Variants in EXD3 observed in about 807,000 individuals in gnomAD.
The protein encoded by EXD3 is exonuclease mut-7 homolog.
Under a neutral mutation model 98.0 loss-of-function variants are expected in EXD3, and 92 were observed. That is an observed-to-expected ratio of 0.94 (90% CI 0.79 to 1.12). The LOEUF (loss-of-function observed/expected upper bound fraction) is 1.12, where lower values mean the gene tolerates loss of function less well. Ranked by LOEUF, EXD3 falls within the 50% of genes most tolerant of loss-of-function variation. The pLI, the probability that EXD3 is intolerant of heterozygous loss-of-function variation, is 0.00. For missense variants in EXD3, 1,222 were observed against 1,191.6 expected (o/e 1.03, Z -0.38); for synonymous variants, 569 against 526.0 (o/e 1.08, Z -1.12).
intron 1 of EXD3, among the ~76,000 whole-genome samples, chr9:137,414,347 G>T (rs1298808329): frequency 1.3e-5 from 2 of 152,230 alleles, no homozygotes; most frequent in African/African-American, 4.8e-5. Context: ...CAGACCACGG[G>T]CTGTTTGTCC....
At chr9:137,352,847 C>T in intron 10 of EXD3, 61 bp from the exon 11 acceptor site, 1 of 1,521,834 alleles carries the variant, frequency 6.6e-7, no homozygotes, top group South Asian at 1.2e-5. Flanking sequence ...AGGGCCCTGC[C>T]CCGAGGGACC....
intron 2 of EXD3, among the ~76,000 whole-genome samples, chr9:137,387,697 G>A (rs1836675835): frequency 6.6e-6 from 1 of 152,174 alleles, no homozygotes; most frequent in Admixed American, 6.5e-5. Flanking sequence ...TCCGAGAAGG[G>A]CGGGTGGGGC....
chr9:137,327,955 C>A (rs1832547650), intron 17 of EXD3, among the ~76,000 whole-genome samples: 1 of 150,982 alleles, frequency 6.6e-6, no homozygotes, highest in Admixed American at 6.6e-5. Flanking sequence ...TAATATACTC[C>A]TATATGATGA....
chr9:137,373,509 C>T lies in EXD3; in HGVS notation c.211G>A (p.Gly71Arg), dbSNP rs958361744. The T allele has an allele frequency of 3.7e-6, 6 of 1,605,048 alleles. No homozygotes were observed. Among genetic ancestry groups the T allele is most frequent in the South Asian group, 1.1e-5 (1 of 89,662 alleles). ...CAGGCCGCCAGGGAGGGGCCCTCTCCCCGCTGGCCCCGGCAGCTCTCCAGC... is the reference window on the plus strand; with the variant it reads ...CAGGCCGCCAGGGAGGGGCCCTCTCTCCGCTGGCCCCGGCAGCTCTCCAGC... ...DMLESCRGQR[G>R]EGPSLAAWIS... is the part of the protein sequence containing the mutation. The change falls in exon 4 of 22, where the codon GGA (glycine) becomes AGA (arginine). Residue 71 changes from glycine (G) to arginine (R), a missense_variant. Gly to Arg is a moderately radical substitution (Grantham distance 125, BLOSUM62 -2). Transcript: ENST00000340951.
Position 137,371,425 on chromosome 9 carries a change from A to G in EXD3, c.462+1480T>C, listed in dbSNP as rs1223679617. Among the ~76,000 whole-genome samples the G allele has an allele frequency of 1.3e-5, 2 of 152,028 alleles. No homozygotes were observed. The highest frequency in any genetic ancestry group is 2.9e-5 in the Non-Finnish European group (2 of 67,950). On this transcript the variant is annotated intron_variant, in intron 5 of 21. Coordinates refer to ENST00000340951, the MANE Select transcript of EXD3 (RefSeq NM_017820.5). This position sits in a 1 kb window ranked among gnomAD's most constrained non-coding sequence, Gnocchi z 8.0. ...GGGACACTCCTGTGAGGGCCCGGCCAGGGCAGCCCCCGATGCCCGTGCCCA... is the reference window on the plus strand; with the variant it reads ...GGGACACTCCTGTGAGGGCCCGGCCGGGGCAGCCCCCGATGCCCGTGCCCA...
Position 137,307,108 on chromosome 9 carries a change from C to T in EXD3, c.2473G>A (p.Gly825Arg), listed in dbSNP as rs1831082661. The change falls in exon 22 of 22, where the codon GGG (glycine) becomes AGG (arginine). Residue 825 changes from glycine (G) to arginine (R), a missense_variant. By Grantham distance (125) the Gly-to-Arg change is moderately radical. Transcript: ENST00000340951. Reference sequence around the variant, plus strand: ...GTGCAGCAGTAGAAGCACCGCAGCCCAGGTGTCCTCAGCACACCCACCGGG... The same window carrying T: ...GTGCAGCAGTAGAAGCACCGCAGCCTAGGTGTCCTCAGCACACCCACCGGG... ...GVPVGVLRTP[G>R]LRCFYCCTGC... The T allele has an allele frequency of 6.2e-7, 1 of 1,607,912 alleles. No homozygotes were observed. The highest frequency in any genetic ancestry group is 1.1e-5 in the South Asian group (1 of 90,366).
At position 137,355,618 on chromosome 9, in the gene EXD3, GA is replaced by G. The variant is rs1179533562; in HGVS notation, c.757+649del. ...GGCGGAAGGAGAAAGGAGGAAGGAG[GA>G]AGGGAGGATGGAGGAAGGAGGAAGG... On this transcript the variant is annotated intron_variant, in intron 8 of 21. Coordinates refer to ENST00000340951, the MANE Select transcript of EXD3 (RefSeq NM_017820.5). 4.2e-4 allele frequency among the ~76,000 whole-genome samples: 12 copies of G among 28,410 alleles called. 1 individual carries two copies. Among genetic ancestry groups the G allele is most frequent in the South Asian group, 1.1e-3 (1 of 878 alleles). 18.6% of individuals were successfully genotyped at this position (28,410 alleles called of 152,430 possible). A position where few individuals can be genotyped will look rare whatever the true frequency, so the allele number is the denominator to read the frequency against.
intron 3 of EXD3, among the ~76,000 whole-genome samples, chr9:137,378,530 A>C (rs751971467): frequency 7.2e-5 from 11 of 152,176 alleles, no homozygotes; most frequent in Non-Finnish European, 1.3e-4. Flanking sequence ...ATTTAAAAAC[A>C]GGGGCTCACG....
intron 19 of EXD3, among the ~76,000 whole-genome samples, chr9:137,319,341 C>T (rs28375538): frequency 0.038 from 5,844 of 152,318 alleles, 146 homozygotes; most frequent in Non-Finnish European, 0.06. Flanking sequence ...CGGGGCCCGG[C>T]CTCCATTGTT....
chr9:137,358,689 A>T (rs1373790029), intron 7 of EXD3, among the ~76,000 whole-genome samples: 2 of 152,110 alleles, frequency 1.3e-5, no homozygotes, highest in African/African-American at 4.8e-5. Context: ...ACTTTTTTAA[A>T]ATTAAATGTA....
chr9:137,339,220 G>C (rs1258362349), intron 17 of EXD3, among the ~76,000 whole-genome samples: 1 of 152,078 alleles, frequency 6.6e-6, no homozygotes, highest in Non-Finnish European at 1.5e-5. Flanking sequence ...CAGGAAGTGA[G>C]CCAGTTTCAG....
At position 137,393,106 on chromosome 9, in the gene EXD3, T is replaced by C. The variant is rs1168830857; in HGVS notation, c.55+2197A>G. ...TTCTCGGTGGGGGTGCCGTGTCTGT[T>C]CCAGGGAGGGCCATTAGTGTTCCAG... On this transcript the variant is annotated intron_variant, in intron 2 of 21. Transcript: ENST00000340951. This position sits in a 1 kb window ranked among gnomAD's most constrained non-coding sequence, Gnocchi z 4.6. 2 of 675,748 alleles carry C rather than the reference T, an allele frequency of 3.0e-6. No individual in the cohort carries two copies. The highest frequency in any genetic ancestry group is 4.2e-5 in the Admixed American group (2 of 47,950). The allele number at this position is 675,748 out of a possible 1,614,324, so 41.9% of individuals were successfully genotyped here.
chr9:137,313,763 T>C (rs1831487554), intron 19 of EXD3, among the ~76,000 whole-genome samples: 2 of 152,110 alleles, frequency 1.3e-5, no homozygotes, highest in South Asian at 2.1e-4. Context: ...GGCAGGGCGA[T>C]GGGGCTGTAG....
At chr9:137,413,431 A>C (rs984976999) in intron 1 of EXD3, among the ~76,000 whole-genome samples, 2 of 150,036 alleles carry the variant, frequency 1.3e-5, no homozygotes, top group Non-Finnish European at 3.0e-5. Flanking sequence ...TGATCTCCTG[A>C]CCTTGTGATC....
chr9:137,328,761 A>T (rs143307946), intron 17 of EXD3, among the ~76,000 whole-genome samples: 1 of 10,274 alleles, frequency 9.7e-5, no homozygotes. Flanking sequence ...ACTACACGGG[A>T]CTACACGGGG....
intron 2 of EXD3, among the ~76,000 whole-genome samples, chr9:137,388,955 G>C (rs1378372316): frequency 6.6e-6 from 1 of 152,316 alleles, no homozygotes; most frequent in East Asian, 1.9e-4. Context: ...ACAGCAGAAA[G>C]GGCCAGCCCA....
chr9:137,310,177 G>A (rs961697258), intron 19 of EXD3, among the ~76,000 whole-genome samples: 1 of 152,260 alleles, frequency 6.6e-6, no homozygotes, highest in Admixed American at 6.5e-5. Flanking sequence ...GGCCCTGAAA[G>A]TGGCGAGGGG....
intron 17 of EXD3, among the ~76,000 whole-genome samples, chr9:137,329,196 G>GA (rs1378559160): frequency 5.6e-5 from 1 of 17,950 alleles, no homozygotes; most frequent in Admixed American, 4.8e-4. Flanking sequence ...GACTACACGG[G>GA]GCTACACGGG....
chr9:137,408,715 T>A lies in EXD3; in HGVS notation c.-47-13311A>T, dbSNP rs996698607. 2.0e-5 allele frequency among the ~76,000 whole-genome samples: 3 copies of A among 152,008 alleles called. No individual in the cohort carries two copies. In the East Asian group the frequency reaches 5.8e-4, roughly 29 times the overall value. ...TGAGACTGGGGGCCTTTTATCTGCG[T>A]CCCTTGAGTGGGCTGTGAGTTCCAA... On this transcript the variant is annotated intron_variant, in intron 1 of 21. Coordinates refer to ENST00000340951, the MANE Select transcript of EXD3 (RefSeq NM_017820.5).
Sources: gnomAD v4.1 joint callset for allele counts (sites outside exome capture counted in the v4.1 genomes callset) on GRCh38, gnomAD v4.1.1 for gene constraint, Gnocchi (gnomAD v3.1) non-coding constraint, MANE v1.5 for transcripts, NCBI Gene and HGNC (gene_info 2026-07-23, HGNC 2026-07-21) for gene names.